Variants in GPHN observed in about 807,000 individuals in gnomAD.
GPHN encodes the protein gephyrin.
A neutral mutation model predicts 95.5 loss-of-function variants in GPHN; 17 were observed. The observed-to-expected ratio is 0.18, with a 90% CI of 0.12 to 0.27. GPHN has a LOEUF of 0.27. Among genes scored for constraint, GPHN ranks in the 10% least tolerant of loss-of-function variants. The pLI is 1.00. For synonymous variants in GPHN, 320 were observed against 322.5 expected, an observed-to-expected ratio of 0.99 and a Z score of 0.08; for missense variants, 660 against 978.1, an observed-to-expected ratio of 0.67 and a Z score of 4.34.
the GPHN span, among the ~76,000 whole-genome samples, chr14:67,379,678 G>A: frequency 2.1e-5 from 2 of 94,242 alleles, no homozygotes; most frequent in African/African-American, 6.6e-5. Context: ...TTTTTGAGAC[G>A]GAGTCTCGCT....
chr14:67,581,072 C>T, the GPHN span: 6 of 1,353,268 alleles, frequency 4.4e-6, no homozygotes, highest in Non-Finnish European at 5.3e-6. Context: ...GGGCCAAACA[C>T]AAGGGCTGCC....
the GPHN span, among the ~76,000 whole-genome samples, chr14:67,550,056 A>G: frequency 6.6e-6 from 1 of 152,156 alleles, no homozygotes; most frequent in Non-Finnish European, 1.5e-5. Context: ...AGTGGAGCCC[A>G]CAGACAAGAC....
intron 1 of GPHN, among the ~76,000 whole-genome samples, chr14:66,603,190 C>A (rs545248720): frequency 2.6e-5 from 4 of 151,744 alleles, no homozygotes; most frequent in Non-Finnish European, 5.9e-5. Flanking sequence ...ATTTTGAAAT[C>A]TTTTAACTTT....
chr14:66,920,167 A>T (rs1457710199), intron 6 of GPHN, among the ~76,000 whole-genome samples: 3 of 152,112 alleles, frequency 2.0e-5, no homozygotes, highest in Non-Finnish European at 4.4e-5. Flanking sequence ...AATGGTCTTG[A>T]CTCAGGAGGT....
the GPHN span, among the ~76,000 whole-genome samples, chr14:67,411,143 A>AT: frequency 1.3e-5 from 2 of 151,446 alleles, no homozygotes; most frequent in African/African-American, 4.9e-5. Context: ...TCTCAAAAAA[A>AT]AAAAAAAAAA....
the GPHN span, chr14:67,575,936 C>T: frequency 6.2e-7 from 1 of 1,614,010 alleles, no homozygotes; most frequent in Non-Finnish European, 8.5e-7. Flanking sequence ...TTTCCTCCCA[C>T]TGCACCCTGG....
At chr14:66,979,471 C>T (rs1164831630) in intron 9 of GPHN, among the ~76,000 whole-genome samples, 1 of 152,208 alleles carries the variant, frequency 6.6e-6, no homozygotes. Context: ...ACCTCATGAG[C>T]CAACCTCAGC....
chr14:66,718,142 G>A (rs1021693327), intron 2 of GPHN, among the ~76,000 whole-genome samples: 1 of 152,136 alleles, frequency 6.6e-6, no homozygotes, highest in Non-Finnish European at 1.5e-5. Flanking sequence ...CTTCCAGTGG[G>A]TTCTTGGTCT....
chr14:66,887,158 G>A (rs1232987226), intron 5 of GPHN, among the ~76,000 whole-genome samples: 1 of 152,120 alleles, frequency 6.6e-6, no homozygotes, highest in Non-Finnish European at 1.5e-5. Flanking sequence ...AACCTACCCT[G>A]CTGGAGTATA....
At chr14:66,574,155 A>T (rs2060812921) in intron 1 of GPHN, among the ~76,000 whole-genome samples, 1 of 151,944 alleles carries the variant, frequency 6.6e-6, no homozygotes, top group South Asian at 2.1e-4. Context: ...CTTTCTCTTT[A>T]TTCTCTTGTA....
the GPHN span, among the ~76,000 whole-genome samples, chr14:67,379,348 CAGT>C: frequency 6.6e-6 from 1 of 152,298 alleles, no homozygotes; most frequent in Middle Eastern, 3.4e-3. Flanking sequence ...AATGAATTCA[CAGT>C]AGTATCTTTT....
the GPHN span, chr14:67,569,917 T>A: frequency 6.9e-6 from 11 of 1,596,686 alleles, no homozygotes; most frequent in Admixed American, 1.7e-5. Flanking sequence ...TCTTCCCTGC[T>A]CAGCTTCAAG....
the GPHN span, among the ~76,000 whole-genome samples, chr14:67,323,232 C>CATGTGTGTATGTGTGTGTGTGT: frequency 9.1e-5 from 13 of 143,624 alleles, no homozygotes; most frequent in Non-Finnish European, 1.9e-4. Flanking sequence ...CATATATACA[C>CATGTGTGTATGTGTGTGTGTGT]GTGTGTGTGT....
At chr14:67,428,068 C>T in the GPHN span, among the ~76,000 whole-genome samples, 11 of 152,000 alleles carry the variant, frequency 7.2e-5, no homozygotes, top group South Asian at 4.1e-4. Flanking sequence ...ATTAGGCACC[C>T]GCCACCACAC....
At chr14:67,663,439 C>T in the GPHN span, among the ~76,000 whole-genome samples, 1 of 151,906 alleles carries the variant, frequency 6.6e-6, no homozygotes. Context: ...TTTGGGAGGC[C>T]GAGGCGGGCG....
intron 1 of GPHN, among the ~76,000 whole-genome samples, chr14:66,617,426 T>A (rs552994839): frequency 6.6e-6 from 1 of 152,294 alleles, no homozygotes; most frequent in East Asian, 1.9e-4. Flanking sequence ...GGTGGAATGC[T>A]CACTCACTGC....
chr14:67,034,130 C>T (rs1374251196), intron 10 of GPHN, among the ~76,000 whole-genome samples: 2 of 152,062 alleles, frequency 1.3e-5, no homozygotes, highest in Non-Finnish European at 2.9e-5. Flanking sequence ...TTATGAAAAA[C>T]ACAAAGCTCA....
the GPHN span, chr14:67,385,456 A>C: frequency 1.3e-5 from 2 of 149,072 alleles, no homozygotes; most frequent in Non-Finnish European, 3.0e-5. Flanking sequence ...AAAAAAAAAA[A>C]CCAAAAATCT....
intron 2 of GPHN, among the ~76,000 whole-genome samples, chr14:66,728,494 G>A (rs554017839): frequency 9.2e-5 from 14 of 152,314 alleles, no homozygotes; most frequent in South Asian, 2.1e-4. Context: ...CCACAGGGTC[G>A]GAGCTACCCA....
Sources: gnomAD v4.1 joint callset for allele counts (sites outside exome capture counted in the v4.1 genomes callset) on GRCh38, gnomAD v4.1.1 for gene constraint, MANE v1.5 for transcripts, NCBI Gene and HGNC (gene_info 2026-07-23, HGNC 2026-07-21) for gene names.